MTMR8: variants seen among roughly 807,000 people sequenced by gnomAD.
MTMR8 encodes the protein phosphatidylinositol-3,5-bisphosphate 3-phosphatase MTMR8.
A neutral mutation model predicts 39.3 loss-of-function variants in MTMR8; 65 were observed. That is an observed-to-expected ratio of 1.65 (90% CI 1.35 to 2.03). The LOEUF is 2.03. Ranked by LOEUF, MTMR8 falls within the 30% of genes most tolerant of loss-of-function variation. The pLI, the probability that MTMR8 is intolerant of heterozygous loss-of-function variation, is 0.00. For missense variants in MTMR8, 777 were observed against 538.9 expected (o/e 1.44, Z -4.37); for synonymous variants, 245 against 185.2 (o/e 1.32, Z -2.62).
intron 6 of MTMR8, among the ~76,000 whole-genome samples, chrX:64,346,948 T>A (rs1237410743): frequency 9.0e-6 from 1 of 111,528 alleles, no homozygotes; most frequent in Non-Finnish European, 1.9e-5. Context: ...CTGTGCTAAA[T>A]CCTTTATGTA....
chrX:64,322,395 T>C (rs1922675381), intron 12 of MTMR8, among the ~76,000 whole-genome samples: 1 of 111,756 alleles, frequency 8.9e-6, no homozygotes, highest in Non-Finnish European at 1.9e-5. Context: ...CTCTGGTTTT[T>C]GTATTAGAGT....
Position 64,268,540 on chromosome X carries a change from C to T in MTMR8, c.2112G>A (p.Gln704=). 8.3e-7 allele frequency: 1 copy of T among 1,200,518 alleles called. No homozygotes were observed. Among genetic ancestry groups the T allele is most frequent in the Non-Finnish European group, 1.1e-6 (1 of 890,912 alleles). Residue 704 remains glutamine, a synonymous_variant, in exon 14 of 14, where the codon CAG becomes CAA. Transcript: ENST00000374852. The part of the protein sequence containing the change: ...STKEADYSKH[Q] ...GCATGGAAGATGAGTAACTAACTCACTGATGCTTGGAGTAGTCTGCCTCCT... is the reference window on the plus strand; with the variant it reads ...GCATGGAAGATGAGTAACTAACTCATTGATGCTTGGAGTAGTCTGCCTCCT...
chrX:64,289,022 A>AAT (rs990814956), intron 12 of MTMR8, among the ~76,000 whole-genome samples: 9 of 109,589 alleles, frequency 8.2e-5, no homozygotes, highest in South Asian at 3.8e-4. Flanking sequence ...TATAATAAAA[A>AAT]ATATATATAT....
intron 12 of MTMR8, among the ~76,000 whole-genome samples, chrX:64,310,508 A>T (rs1402762291): frequency 9.0e-6 from 1 of 111,597 alleles, no homozygotes; most frequent in Non-Finnish European, 1.9e-5. Flanking sequence ...TCTTTTTTTT[A>T]GAAAAATTAT....
intron 6 of MTMR8, among the ~76,000 whole-genome samples, chrX:64,346,682 T>A (rs1415959075): frequency 9.0e-6 from 1 of 110,502 alleles, no homozygotes; most frequent in Non-Finnish European, 1.9e-5. Flanking sequence ...ACCTATTTAA[T>A]GTTCAGGTGG....
Position 64,328,850 on chromosome X carries a change from G to A in MTMR8, c.1403C>T (p.Pro468Leu). The change falls in exon 12 of 14, where the codon CCA becomes CTA. Residue 468 changes from proline to leucine, a missense_variant. Coordinates refer to ENST00000374852, the MANE Select transcript of MTMR8 (RefSeq NM_017677.4). ...SVWPFLVQRK[P>L]DFRNPLYKGF... ...TTTATAGAGAGGGTTCCTGAAGTCTGGTTTCCTCTGAACCAAGAAAGGCCA... is the reference window on the plus strand; with the variant it reads ...TTTATAGAGAGGGTTCCTGAAGTCTAGTTTCCTCTGAACCAAGAAAGGCCA... The A allele has an allele frequency of 5.8e-6, 7 of 1,202,628 alleles. No homozygotes were observed. Among genetic ancestry groups the A allele is most frequent in the Non-Finnish European group, 7.9e-6 (7 of 891,556 alleles).
chrX:64,270,081 A>G (rs1931724729), intron 13 of MTMR8, among the ~76,000 whole-genome samples: 1 of 109,081 alleles, frequency 9.2e-6, no homozygotes, highest in Admixed American at 9.8e-5. Context: ...ACTACATCTA[A>G]TCTACTTAGG....
chrX:64,361,279 T>C (rs1183776597), intron 1 of MTMR8, among the ~76,000 whole-genome samples: 1 of 111,221 alleles, frequency 9.0e-6, no homozygotes, highest in African/African-American at 3.3e-5. Flanking sequence ...ATATAATTAA[T>C]TACTACCTTA....
chrX:64,347,002 C>T (rs987502525), intron 6 of MTMR8, among the ~76,000 whole-genome samples: 5 of 111,031 alleles, frequency 4.5e-5, no homozygotes, highest in African/African-American at 1.6e-4. Context: ...AAAATGGGTG[C>T]TATATTATCC....
chrX:64,323,590 A>G (rs1227936072), intron 12 of MTMR8, among the ~76,000 whole-genome samples: 2 of 112,485 alleles, frequency 1.8e-5, no homozygotes, highest in African/African-American at 6.5e-5. Context: ...ATATTCGACC[A>G]AACAGCTGCA....
At chrX:64,393,521 GAAA>G (rs1295318980) in intron 1 of MTMR8, among the ~76,000 whole-genome samples, 1 of 111,869 alleles carries the variant, frequency 8.9e-6, no homozygotes, top group African/African-American at 3.2e-5. Flanking sequence ...TCAAAAGAGA[GAAA>G]AAAGGAGTAT....
At chrX:64,317,887 AG>A (rs1031389668) in intron 12 of MTMR8, among the ~76,000 whole-genome samples, 1 of 112,177 alleles carries the variant, frequency 8.9e-6, no homozygotes, top group African/African-American at 3.2e-5. Flanking sequence ...TGAGTTGGGG[AG>A]GTGCCCCATA....
chrX:64,384,240 C>T (rs1472615608), intron 1 of MTMR8, among the ~76,000 whole-genome samples: 4 of 112,013 alleles, frequency 3.6e-5, no homozygotes, highest in African/African-American at 1.3e-4. Context: ...GCATCTCTGC[C>T]CCTGTGGTTT....
chrX:64,287,370 A>C (rs1475364696), intron 12 of MTMR8, among the ~76,000 whole-genome samples: 2 of 111,406 alleles, frequency 1.8e-5, no homozygotes, highest in Admixed American at 1.9e-4. Context: ...ACTCAATATC[A>C]TGAAAATGGC....
chrX:64,337,464 A>G, intron 8 of MTMR8, 71 bp from the exon 9 acceptor site: 1 of 1,105,477 alleles, frequency 9.0e-7, no homozygotes, highest in Non-Finnish European at 1.2e-6. Flanking sequence ...AGAGTTGCCA[A>G]ATACTGTCCC....
At chrX:64,280,358 G>A (rs1357845706) in intron 12 of MTMR8, among the ~76,000 whole-genome samples, 2 of 111,835 alleles carry the variant, frequency 1.8e-5, no homozygotes, top group Admixed American at 9.5e-5. Flanking sequence ...CCACAATCAA[G>A]TCGGCTTCAT....
chrX:64,300,690 G>T (rs1921830613), intron 12 of MTMR8, among the ~76,000 whole-genome samples: 1 of 103,347 alleles, frequency 9.7e-6, no homozygotes, highest in African/African-American at 3.5e-5. Flanking sequence ...TTTACATTTT[G>T]GCATGATTTT....
intron 1 of MTMR8, among the ~76,000 whole-genome samples, chrX:64,392,512 T>G (rs1237759680): frequency 8.9e-6 from 1 of 112,163 alleles, no homozygotes; most frequent in Non-Finnish European, 1.9e-5. Context: ...GAGGTCAGTA[T>G]AGTAGTTTAC....
intron 12 of MTMR8, among the ~76,000 whole-genome samples, chrX:64,291,948 G>A (rs1364964476): frequency 9.0e-6 from 1 of 111,376 alleles, no homozygotes. Flanking sequence ...CACTAGAAAG[G>A]CACTAGGTAG....
Sources: allele counts gnomAD v4.1 joint callset (sites outside exome capture counted in the v4.1 genomes callset), GRCh38; gene constraint gnomAD v4.1.1; transcripts MANE v1.5; gene names NCBI Gene and HGNC (gene_info 2026-07-23, HGNC 2026-07-21).